Variants in POLGARF observed in about 807,000 individuals in gnomAD.
POLGARF encodes POLG alternative reading frame.
the POLGARF span, among the ~76,000 whole-genome samples, chr15:89,331,182 C>T: frequency 6.6e-6 from 1 of 152,214 alleles, no homozygotes; most frequent in African/African-American, 2.4e-5. Flanking sequence ...ATTCAACACA[C>T]ATAAAACTAA....
At chr15:89,333,601 G>T in the POLGARF span, 180 of 1,548,296 alleles carry the variant, frequency 1.2e-4, no homozygotes, top group Non-Finnish European at 1.5e-4. Context: ...TGCTGTTGCT[G>T]CTGCTGCTGC....
chr15:89,332,162 G>A, the POLGARF span: 1 of 152,096 alleles, frequency 6.6e-6, no homozygotes, highest in Non-Finnish European at 1.5e-5. Context: ...ATTGTAACTG[G>A]AACTCAATCA....
chr15:89,331,945 A>G, the POLGARF span, among the ~76,000 whole-genome samples: 6 of 152,226 alleles, frequency 3.9e-5, no homozygotes, highest in South Asian at 2.1e-4. Flanking sequence ...AGAGGTAAAA[A>G]GAGAGAAAGA....
chr15:89,332,132 T>C, the POLGARF span: 1 of 152,270 alleles, frequency 6.6e-6, no homozygotes, highest in African/African-American at 2.4e-5. Context: ...AAGTTACATA[T>C]TCTAAGTAGT....
At chr15:89,333,596 T>TGCTGTTGC in the POLGARF span, 1 of 1,598,022 alleles carries the variant, frequency 6.3e-7, no homozygotes, top group South Asian at 1.1e-5. Flanking sequence ...GAGGCTGCTG[T>TGCTGTTGC]TGCTGCTGCT....
the POLGARF span, chr15:89,333,129 G>C: frequency 2.0e-6 from 3 of 1,525,562 alleles, no homozygotes; most frequent in African/African-American, 1.4e-5. Flanking sequence ...CGCCAATGTG[G>C]GGCAAGTTCC....
chr15:89,331,147 A>G, the POLGARF span, among the ~76,000 whole-genome samples: 3 of 115,280 alleles, frequency 2.6e-5, no homozygotes, highest in Non-Finnish European at 5.2e-5. Context: ...TATGGAAGGG[A>G]AAAAGGGAGT....
the POLGARF span, chr15:89,333,603 T>A: frequency 6.3e-7 from 1 of 1,578,942 alleles, no homozygotes; most frequent in Non-Finnish European, 8.6e-7. Flanking sequence ...CTGTTGCTGC[T>A]GCTGCTGCTG....
chr15:89,332,891 T>C, the POLGARF span, among the ~76,000 whole-genome samples: 1 of 152,170 alleles, frequency 6.6e-6, no homozygotes, highest in Non-Finnish European at 1.5e-5. Context: ...CTGCCTGACA[T>C]TTACTTGGGT....
At chr15:89,332,234 T>C in the POLGARF span, 3 of 152,252 alleles carry the variant, frequency 2.0e-5, no homozygotes, top group Non-Finnish European at 4.4e-5. Context: ...TATTTAGCCA[T>C]GTTTTCACCA....
chr15:89,330,526 T>C, the POLGARF span, among the ~76,000 whole-genome samples: 9 of 152,206 alleles, frequency 5.9e-5, no homozygotes, highest in Admixed American at 5.9e-4. Flanking sequence ...ACTGGGCTAT[T>C]AGACCTACGT....
the POLGARF span, among the ~76,000 whole-genome samples, chr15:89,332,646 G>A: frequency 1.3e-5 from 2 of 151,802 alleles, no homozygotes. Flanking sequence ...TATGGGAAAG[G>A]CTGGGGATGC....
At chr15:89,333,314 G>A in the POLGARF span, 4 of 1,557,298 alleles carry the variant, frequency 2.6e-6, no homozygotes, top group Non-Finnish European at 3.5e-6. Context: ...GGTAGGGCAG[G>A]CTCTGCTTCT....
chr15:89,331,323 T>C, the POLGARF span, among the ~76,000 whole-genome samples: 3 of 149,620 alleles, frequency 2.0e-5, no homozygotes, highest in African/African-American at 7.3e-5. Flanking sequence ...TAATTCAGCA[T>C]GTCAAAGCCC....
the POLGARF span, chr15:89,333,267 G>A: frequency 9.6e-6 from 15 of 1,561,464 alleles, no homozygotes; most frequent in Non-Finnish European, 1.3e-5. Context: ...GGGCTTCGGG[G>A]GCAGCTGGGC....
the POLGARF span, chr15:89,332,199 T>C: frequency 6.6e-6 from 1 of 152,234 alleles, no homozygotes; most frequent in African/African-American, 2.4e-5. Context: ...TTTTGCTCTT[T>C]TCAGCCATTA....
chr15:89,331,308 C>T, the POLGARF span, among the ~76,000 whole-genome samples: 2 of 152,116 alleles, frequency 1.3e-5, no homozygotes, highest in East Asian at 1.9e-4. Flanking sequence ...CACCCCCCCA[C>T]ATTTTAATTC....
At chr15:89,333,441 T>G in the POLGARF span, 1 of 1,609,602 alleles carries the variant, frequency 6.2e-7, no homozygotes, top group Non-Finnish European at 8.5e-7. Context: ...CTGCAGGTGC[T>G]CGACGCTGCG....
At chr15:89,333,716 G>C in the POLGARF span, 1 of 1,536,662 alleles carries the variant, frequency 6.5e-7, no homozygotes, top group Non-Finnish European at 8.7e-7. Context: ...CTGGCCCGAC[G>C]GTGGCGCCGG....
Sources: gnomAD v4.1 joint callset for allele counts (sites outside exome capture counted in the v4.1 genomes callset) on GRCh38, gnomAD v4.1.1 for gene constraint, MANE v1.5 for transcripts, NCBI Gene and HGNC (gene_info 2026-07-23, HGNC 2026-07-21) for gene names.